The following ARID3C variants were observed in gnomAD, a reference collection of about 807,000 sequenced individuals.
ARID3C encodes the protein AT-rich interaction domain 3C.
A neutral mutation model predicts 37.9 loss-of-function variants in ARID3C; 42 were observed. That is an observed-to-expected ratio of 1.11 (90% CI 0.87 to 1.43). ARID3C has a LOEUF of 1.43. ARID3C is among the 40% of genes most tolerant of loss of function. The pLI is 0.00. For missense variants in ARID3C, 581 were observed against 548.8 expected, an observed-to-expected ratio of 1.06 and a Z score of -0.59; for synonymous variants, 213 against 228.0, an observed-to-expected ratio of 0.93 and a Z score of 0.59.
chr9:34,632,086 C>A (rs1049399397), upstream of ARID3C, among the ~76,000 whole-genome samples: 1 of 152,186 alleles, frequency 6.6e-6, no homozygotes, highest in African/African-American at 2.4e-5. Context: ...TAAGTCTAGT[C>A]CACTCAAGGG....
upstream of ARID3C, among the ~76,000 whole-genome samples, chr9:34,629,691 A>C (rs1820705615): frequency 6.6e-6 from 1 of 152,250 alleles, no homozygotes; most frequent in Admixed American, 6.5e-5. Context: ...ACACAGCCAC[A>C]CACAGTTTTT....
intron 4 of ARID3C, among the ~76,000 whole-genome samples, chr9:34,622,819 G>A (rs1820594071): frequency 6.6e-6 from 1 of 152,110 alleles, no homozygotes; most frequent in African/African-American, 2.4e-5. Context: ...AGGAGCACTG[G>A]GTGGACATGT....
At chr9:34,627,599 G>T in intron 1 of ARID3C, 98 bp downstream of exon 2, 1 of 1,074,976 alleles carries the variant, frequency 9.3e-7, no homozygotes, top group Non-Finnish European at 1.4e-6. Context: ...ATCTTGCAGA[G>T]GGTGGTGGGG....
Position 34,622,111 on chromosome 9 carries a change from T to C in ARID3C, c.1049-2A>G, listed in dbSNP as rs770448177. The C allele has an allele frequency of 1.2e-6, 2 of 1,614,012 alleles. No individual in the cohort carries two copies. The highest frequency in any genetic ancestry group is 2.2e-5 in the East Asian group (1 of 44,864). On this transcript the variant is annotated splice_acceptor_variant, in intron 5 of 6. Coordinates refer to ENST00000378909, the Ensembl canonical transcript of ARID3C. LOFTEE classifies it high-confidence loss of function. ...TAAGAGGCCCATCCAGCCGCTCTTC[T>C]GTCCAGGAGGGGGCAGAGGAATCAC...
rs149602566 is a variant in ARID3C at position 34,622,320 on chromosome 9, G to A, written c.1048+27C>T. The A allele has an allele frequency of 6.5e-3, 10,285 of 1,587,058 alleles. 51 individuals carry two copies. The highest frequency in any genetic ancestry group is 8.4e-3 in the Non-Finnish European group (9,803 of 1,166,390). On this transcript the variant is annotated intron_variant, in intron 5 of 6. Transcript: ENST00000378909. ...TCCTCCCTCAGTGTACAGTCCCGAA[G>A]CCCCCTCACAACAAGCCCCTCCTCA... is the stretch of plus-strand genomic sequence containing the variant.
chr9:34,626,399 TG>T (rs1381102294), intron 1 of ARID3C, among the ~76,000 whole-genome samples: 1 of 152,144 alleles, frequency 6.6e-6, no homozygotes, highest in Non-Finnish European at 1.5e-5. Flanking sequence ...GCAGTTAACC[TG>T]CCTACAGACG....
chr9:34,631,148 A>G (rs766149547), upstream of ARID3C, among the ~76,000 whole-genome samples: 7 of 152,124 alleles, frequency 4.6e-5, no homozygotes, highest in Non-Finnish European at 8.8e-5. Flanking sequence ...AGGTCCATGG[A>G]CAAAGGTAGG....
chr9:34,623,824 C>G (rs1297868638), intron 3 of ARID3C, 40 bp downstream of exon 4: 1 of 1,390,772 alleles, frequency 7.2e-7, no homozygotes, highest in Admixed American at 2.0e-5. Context: ...CCAGGCCGAA[C>G]CCGTGCCCCC....
At chr9:34,624,155 G>T in intron 2 of ARID3C, 108 bp from the exon 4 acceptor site, 2 of 1,333,862 alleles carry the variant, frequency 1.5e-6, no homozygotes, top group Non-Finnish European at 2.0e-6. Context: ...GAAAGAGGGA[G>T]ACTTGGGCGG....
rs1343817081 is a variant in ARID3C at position 34,622,013 on chromosome 9, C to T, written c.1138+7G>A. 2 of 1,613,710 alleles carry T rather than the reference C, an allele frequency of 1.2e-6. No homozygotes were observed. The highest frequency in any genetic ancestry group is 1.3e-5 in the African/African-American group (1 of 74,906). ...ATGCCAGTGTAGACAGCCTGCAGTA[C>T]CCATACCAGTGTAGACCACCCCGTT... On this transcript the variant is annotated splice_region_variant and intron_variant, in intron 6 of 6. Coordinates refer to ENST00000378909, the Ensembl canonical transcript of ARID3C.
intron 1 of ARID3C, among the ~76,000 whole-genome samples, chr9:34,626,538 G>C (rs909123348): frequency 6.6e-6 from 1 of 152,166 alleles, no homozygotes; most frequent in Non-Finnish European, 1.5e-5. Context: ...CCGAATACTA[G>C]TCAAGAGAAC....
intron 2 of ARID3C, among the ~76,000 whole-genome samples, chr9:34,625,078 G>T (rs981621668): frequency 1.3e-5 from 2 of 152,060 alleles, no homozygotes; most frequent in African/African-American, 4.8e-5. Flanking sequence ...GGGGGCGGGG[G>T]GTAACAGGGC....
In ARID3C at chr9:34,625,729, T is replaced by C; in HGVS notation, c.391+13A>G. On this transcript the variant is annotated intron_variant, in intron 2 of 6. Transcript: ENST00000378909. ...GCAATTCCAGGGCCCTTCCCCCACA[T>C]CATGCCACTCACCCCTCTTTTGCAT... 6.2e-7 allele frequency: 1 copy of C among 1,613,626 alleles called. No homozygotes were observed. The highest frequency in any genetic ancestry group is 8.5e-7 in the Non-Finnish European group (1 of 1,179,754).
At chr9:34,622,755 G>T (rs1820593115) in intron 4 of ARID3C, among the ~76,000 whole-genome samples, 1 of 152,180 alleles carries the variant, frequency 6.6e-6, no homozygotes, top group Non-Finnish European at 1.5e-5. Flanking sequence ...GATTGTTTTT[G>T]GCTGTTGGTT....
intron 2 of ARID3C, among the ~76,000 whole-genome samples, chr9:34,624,867 G>T (rs552284983): frequency 3.6e-4 from 55 of 152,336 alleles, no homozygotes; most frequent in African/African-American, 1.3e-3. Flanking sequence ...GCTGGGATCG[G>T]TTCACACCCG....
chr9:34,621,674 ACC>A (rs1820564411), intron 6 of ARID3C, 116 bp from the exon 8 acceptor site: 6 of 739,078 alleles, frequency 8.1e-6, no homozygotes. Flanking sequence ...CTACACACGT[ACC>A]CCTGCCACAA....
At chr9:34,623,648 C>T (rs1820611084) in exon 4 of ARID3C, 14 of 1,599,112 alleles carry the variant, frequency 8.8e-6, no homozygotes, top group Non-Finnish European at 1.2e-5. Flanking sequence ...CTATGGCGGC[C>T]TGGAGCTCCC....
chr9:34,628,095 G>A (rs1246084710), upstream of ARID3C: 2 of 1,434,896 alleles, frequency 1.4e-6, no homozygotes, highest in African/African-American at 1.4e-5. This position sits in a 1 kb window ranked among gnomAD's most constrained non-coding sequence, Gnocchi z 5.2. Context: ...GCCTGTGGGG[G>A]AGGGAATTAT....
chr9:34,621,355 C>A, downstream of ARID3C: 1 of 824,468 alleles, frequency 1.2e-6, no homozygotes, highest in Non-Finnish European at 1.8e-6. Context: ...GTCGTCCCCT[C>A]CCAGGGCTGG....
Sources: gnomAD v4.1 joint callset for allele counts (sites outside exome capture counted in the v4.1 genomes callset) on GRCh38, gnomAD v4.1.1 for gene constraint, Gnocchi (gnomAD v3.1) non-coding constraint, MANE v1.5 for transcripts, NCBI Gene and HGNC (gene_info 2026-07-23, HGNC 2026-07-21) for gene names.